Variants in PLXNA4 observed in about 807,000 individuals in gnomAD.
The protein encoded by PLXNA4 is plexin-A4.
In PLXNA4, 44 loss-of-function variants were observed where a neutral mutation model predicts 191.8. That is an observed-to-expected ratio of 0.23 (90% confidence interval 0.18 to 0.29). The LOEUF (loss-of-function observed/expected upper bound fraction) is 0.29, where lower values mean the gene tolerates loss of function less well. Among genes scored for constraint, PLXNA4 ranks in the 10% least tolerant of loss-of-function variants. The pLI, the probability that PLXNA4 is intolerant of heterozygous loss-of-function variation, is 1.00. For missense variants in PLXNA4, 1,800 were observed against 2,488.8 expected (o/e 0.72, Z 5.89); for synonymous variants, 1,082 against 1,009.5 (o/e 1.07, Z -1.36).
chr7:132,159,716 G>A (rs903677068), intron 24 of PLXNA4, 84 bp from the exon 25 acceptor site: 120 of 1,570,038 alleles, frequency 7.6e-5, no homozygotes, highest in Middle Eastern at 3.6e-4. Context: ...CTGGGATTCC[G>A]TCCTGAATGG....
intron 3 of PLXNA4, among the ~76,000 whole-genome samples, chr7:132,480,923 C>G (rs188757662): frequency 2.0e-5 from 3 of 152,250 alleles, no homozygotes; most frequent in African/African-American, 4.8e-5. Flanking sequence ...CTTGAGGACT[C>G]GAAATGTGAA....
At chr7:132,224,676 G>A (rs1292779347) in intron 8 of PLXNA4, among the ~76,000 whole-genome samples, 1 of 152,202 alleles carries the variant, frequency 6.6e-6, no homozygotes, top group African/African-American at 2.4e-5. Context: ...AGGGGAAAGT[G>A]GAGGGAGGGA....
rs141414285 is a variant in PLXNA4 at position 132,260,238 on chromosome 7, A to G, written c.1504-19072T>C. ...TTATCGAAGTACTGCTCACAATAGC[A>G]AAGACATGGAGTCAACCTGGATGCC... On this transcript the variant is annotated intron_variant, in intron 4 of 31. Coordinates refer to ENST00000321063, the MANE Select transcript of PLXNA4 (RefSeq NM_020911.2). Among the ~76,000 whole-genome samples, 4 of 152,350 alleles carry G rather than the reference A, an allele frequency of 2.6e-5. No individual in the cohort carries two copies. In the East Asian group the frequency reaches 7.7e-4, roughly 29 times the overall value.
intron 2 of PLXNA4, among the ~76,000 whole-genome samples, chr7:132,499,651 G>A (rs1279083875): frequency 6.6e-6 from 1 of 152,188 alleles, no homozygotes; most frequent in Non-Finnish European, 1.5e-5. Flanking sequence ...TTTCTGGTGG[G>A]TGCTGGGAAG....
chr7:132,313,226 G>T (rs953698599), intron 3 of PLXNA4, among the ~76,000 whole-genome samples: 5 of 152,182 alleles, frequency 3.3e-5, no homozygotes, highest in Non-Finnish European at 7.3e-5. Context: ...TGCATTTAAA[G>T]TAATATTATT....
At chr7:132,620,121 T>G (rs1803232726) in intron 2 of PLXNA4, among the ~76,000 whole-genome samples, 1 of 152,176 alleles carries the variant, frequency 6.6e-6, no homozygotes, top group South Asian at 2.1e-4. Context: ...TAATAAGCTC[T>G]TTTTTGATGG....
intron 4 of PLXNA4, among the ~76,000 whole-genome samples, chr7:132,253,626 G>T (rs879468060): frequency 3.3e-5 from 5 of 152,076 alleles, no homozygotes; most frequent in Non-Finnish European, 7.4e-5. Flanking sequence ...CTCCCTCTTG[G>T]TTCACCTTCT....
rs1242520126 is a variant in PLXNA4 at position 132,125,099 on chromosome 7, T to C, written c.*5380A>G. The C allele has an allele frequency of 6.6e-6, 1 of 151,868 alleles. No homozygotes were observed. Among genetic ancestry groups the C allele is most frequent in the Non-Finnish European group, 1.5e-5 (1 of 68,022 alleles). 9.4% of individuals were successfully genotyped at this position (151,868 alleles called of 1,614,324 possible). ...TTACTGCAGTGGATTACTTTCCAAA[T>C]GAGAGGAGTGGTCATTTAGGTTTCC... On this transcript the variant is annotated 3_prime_UTR_variant, in exon 32 of 32. Coordinates refer to ENST00000321063, the MANE Select transcript of PLXNA4 (RefSeq NM_020911.2).
At chr7:132,252,311 T>G (rs1260577872) in intron 4 of PLXNA4, among the ~76,000 whole-genome samples, 5 of 118,216 alleles carry the variant, frequency 4.2e-5, no homozygotes, top group African/African-American at 1.8e-4. Flanking sequence ...TTTTTTTTTT[T>G]TTTTTTTTTT....
chr7:132,642,019 G>A (rs1241751010), intron 2 of PLXNA4, among the ~76,000 whole-genome samples: 1 of 152,064 alleles, frequency 6.6e-6, no homozygotes, highest in Non-Finnish European at 1.5e-5. Flanking sequence ...AATAAATTAG[G>A]ATATCCATGT....
intron 25 of PLXNA4, among the ~76,000 whole-genome samples, chr7:132,157,034 GC>G: frequency 6.6e-6 from 1 of 152,192 alleles, no homozygotes; most frequent in East Asian, 1.9e-4. Context: ...GGTTCAAACT[GC>G]CCCAGGCCTC....
intron 1 of PLXNA4, among the ~76,000 whole-genome samples, chr7:132,563,200 TTCCTCC>T (rs1281793858): frequency 4.4e-5 from 1 of 22,942 alleles, no homozygotes; most frequent in African/African-American, 1.3e-4. Flanking sequence ...CCTCCTCCTC[TTCCTCC>T]TCCTCCTCCT....
chr7:132,498,747 C>T lies in PLXNA4; in HGVS notation c.1188+8759G>A, dbSNP rs556854830. 3.9e-5 allele frequency among the ~76,000 whole-genome samples: 6 copies of T among 152,264 alleles called. 1 individual carries two copies. Among genetic ancestry groups the T allele is most frequent in the Admixed American group, 3.9e-4 (6 of 15,298 alleles). On this transcript the variant is annotated intron_variant, in intron 2 of 31. Transcript: ENST00000321063. ...GGCCCCAGTTCTCAAGAACCAAGAG[C>T]TTTGCTTCTGGGCATCTCAAAAAGG...
intron 3 of PLXNA4, among the ~76,000 whole-genome samples, chr7:132,330,161 C>T (rs62466375): frequency 0.092 from 13,971 of 152,178 alleles, 836 homozygotes; most frequent in Admixed American, 0.2. Flanking sequence ...AAGGCACAGC[C>T]AGTGCAGAGC....
chr7:132,456,111 CTTT>C (rs548680891), intron 3 of PLXNA4, among the ~76,000 whole-genome samples: 5 of 129,066 alleles, frequency 3.9e-5, no homozygotes, highest in African/African-American at 9.3e-5. Flanking sequence ...CTCCTCTGTT[CTTT>C]TTTTTTTTTT....
chr7:132,458,168 T>A (rs1351715471), intron 3 of PLXNA4, among the ~76,000 whole-genome samples: 3 of 152,016 alleles, frequency 2.0e-5, no homozygotes, highest in African/African-American at 7.2e-5. Flanking sequence ...AAAACGACAA[T>A]GTACCCCATT....
intron 3 of PLXNA4, among the ~76,000 whole-genome samples, chr7:132,457,716 CT>C (rs1796361496): frequency 6.6e-6 from 1 of 152,158 alleles, no homozygotes; most frequent in Admixed American, 6.5e-5. Context: ...TGCAAGTATT[CT>C]TTTAAGAGAG....
intron 14 of PLXNA4, among the ~76,000 whole-genome samples, chr7:132,193,202 T>A (rs902844614): frequency 5.3e-5 from 8 of 152,206 alleles, no homozygotes; most frequent in African/African-American, 1.7e-4. Flanking sequence ...CATAGGAAGA[T>A]GTTTATTATC....
chr7:132,174,513 G>T (rs1255125213), intron 21 of PLXNA4, among the ~76,000 whole-genome samples: 1 of 152,066 alleles, frequency 6.6e-6, no homozygotes, highest in Non-Finnish European at 1.5e-5. Context: ...CTGGGGAGAG[G>T]GTCATCAACT....
Sources: gnomAD v4.1 joint callset for allele counts (sites outside exome capture counted in the v4.1 genomes callset) on GRCh38, gnomAD v4.1.1 for gene constraint, MANE v1.5 for transcripts, NCBI Gene and HGNC (gene_info 2026-07-23, HGNC 2026-07-21) for gene names.